The following PRKG1 variants were observed in gnomAD, a reference collection of about 807,000 sequenced individuals.
PRKG1 encodes cGMP-dependent protein kinase 1.
A neutral mutation model predicts 88.1 loss-of-function variants in PRKG1; 35 were observed. The ratio of observed to expected loss-of-function variants is 0.40; its 90% confidence interval spans 0.30 to 0.53. The LOEUF (loss-of-function observed/expected upper bound fraction) is 0.53. PRKG1 is among the 20% of genes least tolerant of loss of function. The probability of loss-of-function intolerance (pLI) is 0.59; values close to 1 mark genes in which losing one functional copy is unlikely to be tolerated. For missense variants in PRKG1, 540 were observed against 839.8 expected (o/e 0.64, Z 4.41); for synonymous variants, 303 against 292.5 (o/e 1.04, Z -0.37).
intron 1 of PRKG1, among the ~76,000 whole-genome samples, chr10:51,151,922 C>A (rs1231026415): frequency 2.0e-5 from 3 of 151,994 alleles, no homozygotes; most frequent in East Asian, 3.9e-4. Context: ...GGTCACTCCC[C>A]TGGAAGCCAC....
chr10:51,508,661 C>T (rs1267452469), intron 3 of PRKG1, among the ~76,000 whole-genome samples: 2 of 152,046 alleles, frequency 1.3e-5, no homozygotes, highest in Non-Finnish European at 2.9e-5. Context: ...TCTCAAATGA[C>T]AGAAAACTGT....
intron 3 of PRKG1, among the ~76,000 whole-genome samples, chr10:51,635,306 G>A (rs573107554): frequency 1.6e-3 from 234 of 148,094 alleles, no homozygotes; most frequent in African/African-American, 5.0e-3. Flanking sequence ...AAAAAAAGAG[G>A]TTAGATATAT....
At chr10:51,080,624 C>G (rs1844084781) in intron 1 of PRKG1, among the ~76,000 whole-genome samples, 1 of 152,206 alleles carries the variant, frequency 6.6e-6, no homozygotes, top group South Asian at 2.1e-4. Flanking sequence ...GAACGCAAGA[C>G]AATGTGATAA....
chr10:51,820,805 A>G (rs1487522948), intron 4 of PRKG1, among the ~76,000 whole-genome samples: 1 of 152,190 alleles, frequency 6.6e-6, no homozygotes, highest in Non-Finnish European at 1.5e-5. Context: ...TTTGATGGGG[A>G]GAAAATTAAG....
At chr10:51,570,075 G>T (rs530895739) in intron 3 of PRKG1, among the ~76,000 whole-genome samples, 1 of 112,822 alleles carries the variant, frequency 8.9e-6, no homozygotes, top group East Asian at 2.0e-4. Context: ...ATATGTGTGT[G>T]TGTGTTTATA....
At chr10:51,103,036 T>C (rs1472662466) in intron 1 of PRKG1, among the ~76,000 whole-genome samples, 1 of 151,654 alleles carries the variant, frequency 6.6e-6, no homozygotes, top group Non-Finnish European at 1.5e-5. Flanking sequence ...CTCTTGGAAA[T>C]GAAATGAAAA....
rs1037960861 is a variant in PRKG1, at chr10:52,296,915, A to G, written c.*3015A>G. 2.0e-5 allele frequency: 3 copies of G among 152,100 alleles called. No homozygotes were observed. Among genetic ancestry groups the G allele is most frequent in the Non-Finnish European group, 4.4e-5 (3 of 67,972 alleles). The allele number at this position is 152,100 out of a possible 1,614,324, so 9.4% of individuals were successfully genotyped here. A position where few individuals can be genotyped will look rare whatever the true frequency, so the allele number is the denominator to read the frequency against. ...TCATAATTTTTACCTAAAATTGTGG[A>G]ATATGCATGTGAATTACACATGTGT... On this transcript the variant is annotated 3_prime_UTR_variant, in exon 18 of 18. Coordinates refer to ENST00000373980, the MANE Select transcript of PRKG1 (RefSeq NM_006258.4).
At chr10:51,795,168 T>G (rs1274221785) in intron 3 of PRKG1, among the ~76,000 whole-genome samples, 1 of 152,124 alleles carries the variant, frequency 6.6e-6, no homozygotes. Context: ...ACCATTGGCC[T>G]TTACAGGTTA....
chr10:51,681,983 A>G (rs1840861974), intron 3 of PRKG1, among the ~76,000 whole-genome samples: 1 of 152,144 alleles, frequency 6.6e-6, no homozygotes, highest in Non-Finnish European at 1.5e-5. Flanking sequence ...AAACTTTTCT[A>G]TTGGGTTATT....
At chr10:51,270,094 T>C (rs1839939145) in intron 2 of PRKG1, among the ~76,000 whole-genome samples, 1 of 152,162 alleles carries the variant, frequency 6.6e-6, no homozygotes, top group South Asian at 2.1e-4. Context: ...TTTTTTATTC[T>C]GTCCTTGGCA....
chr10:52,220,732 T>C (rs2132823477), intron 9 of PRKG1, among the ~76,000 whole-genome samples: 1 of 152,264 alleles, frequency 6.6e-6, no homozygotes, highest in East Asian at 1.9e-4. Flanking sequence ...CCCATGTTCC[T>C]GCAGAGGACA....
intron 9 of PRKG1, among the ~76,000 whole-genome samples, chr10:52,234,196 A>G (rs1840613755): frequency 6.6e-6 from 1 of 152,214 alleles, no homozygotes; most frequent in South Asian, 2.1e-4. Context: ...AAAGTAGATA[A>G]AACCACAAAG....
In PRKG1 at chr10:51,658,682, AC is replaced by A. The variant is rs573676170; in HGVS notation, c.593-145899del. 6.6e-5 allele frequency among the ~76,000 whole-genome samples: 10 copies of A among 152,140 alleles called. No homozygotes were observed. In the South Asian group the frequency reaches 1.9e-3, roughly 28 times the overall value. On this transcript the variant is annotated intron_variant, in intron 3 of 17. Coordinates refer to ENST00000373980, the MANE Select transcript of PRKG1 (RefSeq NM_006258.4). ...TATAGAGCAGAATAAAGTTAAATTG[AC>A]CCCAAAACTGGCTACAGCTTTTTGC...
intron 2 of PRKG1, among the ~76,000 whole-genome samples, chr10:51,222,007 T>C (rs538915245): frequency 1.1e-4 from 16 of 151,772 alleles, no homozygotes; most frequent in Non-Finnish European, 2.2e-4. Context: ...CCCGAGTAGC[T>C]GAGATTACAG....
chr10:51,715,529 G>A (rs1170214548), intron 3 of PRKG1, among the ~76,000 whole-genome samples: 1 of 152,110 alleles, frequency 6.6e-6, no homozygotes, highest in Non-Finnish European at 1.5e-5. Context: ...TTCAAGTGGA[G>A]GGCATTAATG....
intron 4 of PRKG1, among the ~76,000 whole-genome samples, chr10:51,894,582 A>C (rs1226505459): frequency 6.6e-6 from 1 of 152,224 alleles, no homozygotes; most frequent in African/African-American, 2.4e-5. Flanking sequence ...TTAACAAAAT[A>C]GAGTGATTTC....
intron 4 of PRKG1, among the ~76,000 whole-genome samples, chr10:51,864,664 T>A (rs1399121233): frequency 6.6e-6 from 1 of 152,188 alleles, no homozygotes; most frequent in Non-Finnish European, 1.5e-5. Context: ...TACAGTAGGT[T>A]GGGTATTATG....
intron 2 of PRKG1, among the ~76,000 whole-genome samples, chr10:51,388,757 C>T (rs1837318919): frequency 6.6e-6 from 1 of 152,168 alleles, no homozygotes; most frequent in African/African-American, 2.4e-5. Flanking sequence ...AGTAAGTACA[C>T]TGTGAAAATA....
intron 3 of PRKG1, among the ~76,000 whole-genome samples, chr10:51,517,434 G>A (rs545776635): frequency 3.9e-5 from 6 of 152,344 alleles, no homozygotes; most frequent in Non-Finnish European, 7.4e-5. Flanking sequence ...CTGAGGGGGT[G>A]TCAACAACAC....
Sources: gnomAD v4.1 joint callset for allele counts (sites outside exome capture counted in the v4.1 genomes callset) on GRCh38, gnomAD v4.1.1 for gene constraint, MANE v1.5 for transcripts, NCBI Gene and HGNC (gene_info 2026-07-23, HGNC 2026-07-21) for gene names.